The following TNK2 variants were observed in gnomAD, a reference collection of about 807,000 sequenced individuals.
The protein encoded by TNK2 is activated CDC42 kinase 1.
A neutral mutation model predicts 101.8 loss-of-function variants in TNK2; 83 were observed. The ratio of observed to expected loss-of-function variants is 0.82; its 90% CI spans 0.68 to 0.98. TNK2 has a LOEUF of 0.98. Among genes scored for constraint, TNK2 ranks in the 50% least tolerant of loss-of-function variants. The probability of loss-of-function intolerance (pLI) is 0.00; values close to 1 mark genes in which losing one functional copy is unlikely to be tolerated. For missense variants in TNK2, 1,665 were observed against 1,483.2 expected (o/e 1.12, Z -2.01); for synonymous variants, 804 against 633.0 (o/e 1.27, Z -4.06).
intron 1 of TNK2, among the ~76,000 whole-genome samples, chr3:195,896,943 C>T (rs1484303087): frequency 1.3e-5 from 2 of 152,198 alleles, no homozygotes; most frequent in African/African-American, 2.4e-5. Context: ...AGGCAATTTC[C>T]GGCCAAGAGG....
Position 195,878,665 on chromosome 3 carries a change from C to T in TNK2, c.1015-73G>A, listed in dbSNP as rs1750759065. The T allele has an allele frequency of 1.3e-6, 2 of 1,558,338 alleles. No individual in the cohort carries two copies. Among genetic ancestry groups the T allele is most frequent in the East Asian group, 2.3e-5 (1 of 43,398 alleles). Reference sequence around the variant, plus strand: ...CCTTCACTTCCCGCCTTCCCTCCAGCCCATCCACAGCTGCAGCGGCTGCTG... The same window carrying T: ...CCTTCACTTCCCGCCTTCCCTCCAGTCCATCCACAGCTGCAGCGGCTGCTG... On this transcript the variant is annotated intron_variant, in intron 7 of 15. Coordinates refer to ENST00000672887, the MANE Select transcript of TNK2 (RefSeq NM_001382273.1). This position sits in a 1 kb window ranked among gnomAD's most constrained non-coding sequence, Gnocchi z 4.7.
In TNK2 at chr3:195,878,690, G is replaced by T; in HGVS notation, c.1015-98C>A. 1 of 1,484,414 alleles carries T rather than the reference G, an allele frequency of 6.7e-7. No individual in the cohort carries two copies. The highest frequency in any genetic ancestry group is 9.0e-7 in the Non-Finnish European group (1 of 1,109,664). 92.0% of individuals were successfully genotyped at this position (1,484,414 alleles called of 1,614,324 possible). A position where few individuals can be genotyped will look rare whatever the true frequency, so the allele number is the denominator to read the frequency against. On this transcript the variant is annotated intron_variant, in intron 7 of 15. Transcript: ENST00000672887. The surrounding 1 kb of genome is among the most constrained non-coding windows in gnomAD (Gnocchi z 4.7). ...CCCATCCACAGCTGCAGCGGCTGCT[G>T]CCATGCCTGGCCTCCAAAGAAGGGA...
intron 1 of TNK2, among the ~76,000 whole-genome samples, chr3:195,903,320 G>T (rs1044811846): frequency 1.1e-4 from 16 of 152,094 alleles, no homozygotes; most frequent in Admixed American, 9.8e-4. Context: ...GATTACAGGC[G>T]TGAGCCACCG....
intron 15 of TNK2, among the ~76,000 whole-genome samples, chr3:195,866,397 C>T (rs975321352): frequency 7.9e-5 from 12 of 152,190 alleles, no homozygotes; most frequent in Admixed American, 3.9e-4. Flanking sequence ...GACCTGGTCT[C>T]GCCATGTTGG....
intron 1 of TNK2, among the ~76,000 whole-genome samples, chr3:195,894,926 C>G (rs556211228): frequency 6.6e-6 from 1 of 152,316 alleles, no homozygotes; most frequent in South Asian, 2.1e-4. Context: ...ACGGGAATGC[C>G]CAGGACATAC....
At position 195,885,381 on chromosome 3, in the gene TNK2, G is replaced by A; in HGVS notation, c.235-348C>T. The A allele has an allele frequency of 8.2e-6, 11 of 1,345,568 alleles. 1 individual carries two copies. The highest frequency in any genetic ancestry group is 7.8e-6 in the Non-Finnish European group (8 of 1,027,734). The allele number at this position is 1,345,568 out of a possible 1,614,324, so 83.4% of individuals were successfully genotyped here. ...CAGTCCTGCCCCACCCTCCCTTCCT[G>A]CACCCGCCACCCCGCAGACTCCAGC... On this transcript the variant is annotated intron_variant, in intron 3 of 15. Transcript: ENST00000672887. This position sits in a 1 kb window ranked among gnomAD's most constrained non-coding sequence, Gnocchi z 4.7.
chr3:195,869,324 G>C, intron 12 of TNK2, 173 bp downstream of exon 12: 1 of 694,810 alleles, frequency 1.4e-6, no homozygotes, highest in Non-Finnish European at 2.5e-6. Context: ...GGCTCCGGGG[G>C]GCGGGCTCGA....
At chr3:195,873,167 G>A (rs1271423336) in intron 9 of TNK2, among the ~76,000 whole-genome samples, 3 of 152,194 alleles carry the variant, frequency 2.0e-5, no homozygotes, top group Non-Finnish European at 2.9e-5. Flanking sequence ...GTGTCCAAAA[G>A]GGAACTCAGC....
At chr3:195,894,950 C>T (rs896599655) in intron 1 of TNK2, among the ~76,000 whole-genome samples, 1 of 152,224 alleles carries the variant, frequency 6.6e-6, no homozygotes, top group African/African-American at 2.4e-5. Context: ...CTCAGTTCTC[C>T]TAAAAGACTG....
chr3:195,893,596 T>A (rs1759457655), intron 1 of TNK2, among the ~76,000 whole-genome samples: 1 of 151,922 alleles, frequency 6.6e-6, no homozygotes, highest in African/African-American at 2.4e-5. Flanking sequence ...AACTGACAAA[T>A]GATCTCTCTG....
Position 195,878,189 on chromosome 3 carries a change from C to A in TNK2, c.1256+64G>T. 1 of 1,548,596 alleles carries A rather than the reference C, an allele frequency of 6.5e-7. No homozygotes were observed. Among genetic ancestry groups the A allele is most frequent in the Non-Finnish European group, 8.9e-7 (1 of 1,121,214 alleles). ...CTTGGAGGCCAAACAGATCTGTCCA[C>A]AGGTCCCTCCGACCTGTGCCCTTCA... On this transcript the variant is annotated intron_variant, in intron 9 of 15. Transcript: ENST00000672887. The surrounding 1 kb of genome is among the most constrained non-coding windows in gnomAD (Gnocchi z 4.7).
chr3:195,867,588 G>C lies in TNK2; in HGVS notation c.2710C>G (p.Pro904Ala), dbSNP rs916463382. 6.3e-7 allele frequency: 1 copy of C among 1,589,894 alleles called. No individual in the cohort carries two copies. Among genetic ancestry groups the C allele is most frequent in the Admixed American group, 1.7e-5 (1 of 59,010 alleles). ...AQSPEEPTPL[P>A]VPLLLPPPST... ...GGTGGGGGCAGCAGCAGAGGCACAG[G>C]CAGGGGGGTAGGCTCCTCGGGGCTC... Residue 904 changes from proline (P) to alanine (A), a missense_variant, in exon 13 of 16, where the codon CCT becomes GCT. By Grantham distance (27) the Pro-to-Ala change is conservative. Coordinates refer to ENST00000672887, the MANE Select transcript of TNK2 (RefSeq NM_001382273.1).
At position 195,867,220 on chromosome 3, in the gene TNK2, C is replaced by T. The variant is rs1362972038; in HGVS notation, c.2982G>A (p.Ala994=). The change falls in exon 14 of 16, where the codon GCG becomes GCA. Residue 994 remains alanine (A), a synonymous_variant. Coordinates refer to ENST00000672887, the MANE Select transcript of TNK2 (RefSeq NM_001382273.1). ...VHGVTTEECQ[A]ALQCHGWSVQ... is the part of the protein sequence containing the mutation. ...CGCTCCAGCCGTGGCACTGCAGGGC[C>T]GCCTGGCACTCCTCTGTGGTCACCC... 1.4e-5 allele frequency: 22 copies of T among 1,612,902 alleles called. No homozygotes were observed. The highest frequency in any genetic ancestry group is 8.3e-5 in the Admixed American group (5 of 60,006).
intron 1 of TNK2, among the ~76,000 whole-genome samples, chr3:195,903,574 G>C (rs748829290): frequency 1.3e-5 from 2 of 151,976 alleles, no homozygotes; most frequent in Non-Finnish European, 2.9e-5. Context: ...AAAATTAGCC[G>C]GGTGTGGTGG....
Position 195,886,770 on chromosome 3 carries a change from C to T in TNK2, c.234+207G>A, listed in dbSNP as rs538896255. Among the ~76,000 whole-genome samples the T allele has an allele frequency of 7.8e-4, 118 of 152,156 alleles. 3 individuals are homozygous for T. Among genetic ancestry groups the T allele is most frequent in the Non-Finnish European group, 9.1e-4 (62 of 68,030 alleles). ...ACCGCACACAGGCTGCTCACGTGTC[C>T]GTATCTGGCGGAGACAGACACTTAG... On this transcript the variant is annotated intron_variant, in intron 3 of 15. Coordinates refer to ENST00000672887, the MANE Select transcript of TNK2 (RefSeq NM_001382273.1). This position sits in a 1 kb window ranked among gnomAD's most constrained non-coding sequence, Gnocchi z 4.2.
intron 1 of TNK2, among the ~76,000 whole-genome samples, chr3:195,892,250 G>T (rs1303646235): frequency 3.3e-5 from 5 of 152,214 alleles, no homozygotes; most frequent in African/African-American, 7.2e-5. Context: ...AAGAAGGAAT[G>T]CAGCAGCCGC....
Position 195,888,599 on chromosome 3 carries a change from C to T in TNK2, c.-11G>A. ...CTCCTCTGGCTGCATTCTGCCGCCTCCCAGCCTCTGTGGGGGGAGGAGTGG... is the reference window on the plus strand; with the variant it reads ...CTCCTCTGGCTGCATTCTGCCGCCTTCCAGCCTCTGTGGGGGGAGGAGTGG... On this transcript the variant is annotated 5_prime_UTR_variant, in exon 2 of 16. Transcript: ENST00000672887. The surrounding 1 kb of genome is among the most constrained non-coding windows in gnomAD (Gnocchi z 5.3). 1 of 1,608,516 alleles carries T rather than the reference C, an allele frequency of 6.2e-7. No individual in the cohort carries two copies. Among genetic ancestry groups the T allele is most frequent in the East Asian group, 2.2e-5 (1 of 44,826 alleles).
chr3:195,882,968 C>A lies in TNK2; in HGVS notation c.609+189G>T, dbSNP rs1243030641. On this transcript the variant is annotated intron_variant, in intron 5 of 15. Coordinates refer to ENST00000672887, the MANE Select transcript of TNK2 (RefSeq NM_001382273.1). The surrounding 1 kb of genome is among the most constrained non-coding windows in gnomAD (Gnocchi z 4.2). Reference sequence around the variant, plus strand: ...AGCACCAGCAAAATCCAGAGACAGACCCGGACTGGACCGCAGCAGACACAG... The same window carrying A: ...AGCACCAGCAAAATCCAGAGACAGAACCGGACTGGACCGCAGCAGACACAG... 6.6e-6 allele frequency among the ~76,000 whole-genome samples: 1 copy of A among 152,202 alleles called. No individual in the cohort carries two copies. Among genetic ancestry groups the A allele is most frequent in the Non-Finnish European group, 1.5e-5 (1 of 68,034 alleles).
At chr3:195,864,988 G>T (rs1739650749) in intron 15 of TNK2, among the ~76,000 whole-genome samples, 1 of 134,910 alleles carries the variant, frequency 7.4e-6, no homozygotes, top group Non-Finnish European at 1.6e-5. Flanking sequence ...ACCCGAGACA[G>T]CGACAGACAG....
Sources: allele counts gnomAD v4.1 joint callset (sites outside exome capture counted in the v4.1 genomes callset), GRCh38; gene constraint gnomAD v4.1.1; non-coding constraint Gnocchi (gnomAD v3.1); transcripts MANE v1.5; gene names NCBI Gene and HGNC (gene_info 2026-07-23, HGNC 2026-07-21).